The following SLC25A12 variants were observed in gnomAD, a reference collection of about 807,000 sequenced individuals.
SLC25A12 encodes the protein electrogenic aspartate/glutamate antiporter SLC25A12, mitochondrial.
Under a neutral mutation model 83.3 loss-of-function variants are expected in SLC25A12, and 32 were observed. That is an observed-to-expected ratio of 0.38 (90% CI 0.29 to 0.52). The LOEUF is 0.52. Among genes scored for constraint, SLC25A12 ranks in the 20% least tolerant of loss-of-function variants. The pLI is 0.84. For synonymous variants in SLC25A12, 267 were observed against 291.1 expected (o/e 0.92, Z 0.84); for missense variants, 611 against 835.6 (o/e 0.73, Z 3.31).
In SLC25A12 at chr2:171,784,030, G is replaced by A. The variant is rs1228243984; in HGVS notation, c.*1244C>T. On this transcript the variant is annotated 3_prime_UTR_variant, in exon 18 of 18. Coordinates refer to ENST00000422440, the MANE Select transcript of SLC25A12 (RefSeq NM_003705.5). The stretch of plus-strand genomic sequence containing the variant: ...GGTAAGGTAAATAAATTCTGATACT[G>A]CACATCAAATCACATCCATATCAAA... 6.6e-6 allele frequency among the ~76,000 whole-genome samples: 1 copy of A among 152,184 alleles called. No homozygotes were observed. The highest frequency in any genetic ancestry group is 1.5e-5 in the Non-Finnish European group (1 of 68,040).
intron 9 of SLC25A12, among the ~76,000 whole-genome samples, chr2:171,819,463 TTA>T (rs1293320497): frequency 7.5e-6 from 1 of 132,576 alleles, no homozygotes; most frequent in East Asian, 2.1e-4. Flanking sequence ...TTATTATATA[TTA>T]TATATATTAA....
chr2:171,787,512 A>G lies in SLC25A12; in HGVS notation c.1835+59T>C. 3.8e-6 allele frequency: 5 copies of G among 1,313,468 alleles called. No homozygotes were observed. The South Asian group carries it at 5.9e-5, about 15-fold the overall frequency. 81.4% of individuals were successfully genotyped at this position (1,313,468 alleles called of 1,614,324 possible). On this transcript the variant is annotated intron_variant, in intron 17 of 17. Transcript: ENST00000422440. ...TTGCAACAATGCTTTTGTAGACAGA[A>G]CAAACATTTGTTTTGGACTTAGTGA...
chr2:171,874,413 G>GA (rs1685521190), intron 2 of SLC25A12, among the ~76,000 whole-genome samples: 1 of 152,102 alleles, frequency 6.6e-6, no homozygotes, highest in Non-Finnish European at 1.5e-5. Context: ...AAAGAAAAAA[G>GA]AAAATACTAG....
rs1690516306 is a variant in SLC25A12 at position 171,787,792 on chromosome 2, C to T, written c.1741G>A (p.Ala581Thr). 4 of 1,614,098 alleles carry T rather than the reference C, an allele frequency of 2.5e-6. No individual in the cohort carries two copies. Among genetic ancestry groups the T allele is most frequent in the Non-Finnish European group, 3.4e-6 (4 of 1,180,026 alleles). The change falls in exon 16 of 18, where the codon GCA becomes ACA. Residue 581 changes from alanine to threonine, a missense_variant. Ala to Thr is a moderately conservative substitution (Grantham distance 58). Transcript: ENST00000422440. ...TATGGCTCCAGCCCCTGCCTACCTG[C>T]AGTCCCTTTCCAAAATGCTGAGGGC... Reference protein sequence around the residue: ...EGPSAFWKGTAARVFRSSPQF... With the variant: ...EGPSAFWKGTTARVFRSSPQF...
chr2:171,866,140 A>AG (rs1374672044), intron 3 of SLC25A12, among the ~76,000 whole-genome samples: 1 of 135,554 alleles, frequency 7.4e-6, no homozygotes, highest in Non-Finnish European at 1.6e-5. Context: ...CACATGTTTC[A>AG]GAGAGCACAG....
At chr2:171,825,698 G>C (rs1684286235) in intron 9 of SLC25A12, among the ~76,000 whole-genome samples, 1 of 152,156 alleles carries the variant, frequency 6.6e-6, no homozygotes. Flanking sequence ...TATTAGAGCA[G>C]GAAAGTACCA....
chr2:171,816,964 G>A (rs899707807), intron 9 of SLC25A12, among the ~76,000 whole-genome samples: 5 of 152,118 alleles, frequency 3.3e-5, no homozygotes, highest in Non-Finnish European at 2.9e-5. Context: ...GTGGTAATTA[G>A]GTCATGAAAA....
At chr2:171,804,644 G>A (rs1188549142) in intron 13 of SLC25A12, among the ~76,000 whole-genome samples, 1 of 152,226 alleles carries the variant, frequency 6.6e-6, no homozygotes, top group Non-Finnish European at 1.5e-5. Flanking sequence ...AAGTGCAGTG[G>A]CTCGTATCTG....
rs368067669 is a variant in SLC25A12 at position 171,785,244 on chromosome 2, G to A, written c.*30C>T. The A allele has an allele frequency of 8.3e-5, 133 of 1,608,082 alleles. No individual in the cohort carries two copies. The highest frequency in any genetic ancestry group is 1.1e-4 in the Non-Finnish European group (124 of 1,174,966). On this transcript the variant is annotated 3_prime_UTR_variant, in exon 18 of 18. Coordinates refer to ENST00000422440, the MANE Select transcript of SLC25A12 (RefSeq NM_003705.5). ...TCTCCTAGGCCTCTTTCTTCAAGGC[G>A]CCATTTTGCCACACTCAACAGTTGT...
intron 3 of SLC25A12, among the ~76,000 whole-genome samples, chr2:171,867,346 G>A (rs1412214783): frequency 1.3e-5 from 2 of 151,956 alleles, no homozygotes; most frequent in East Asian, 3.9e-4. Context: ...GGGCACCATT[G>A]AGCACTGAGT....
chr2:171,875,642 G>A lies in SLC25A12; in HGVS notation c.67-6819C>T, dbSNP rs556457441. ...AAACCTGCACATGGGGGCCGGGCGC[G>A]GTGGCTCACACCTGTAATCTCAGCA... On this transcript the variant is annotated intron_variant, in intron 2 of 17. Coordinates refer to ENST00000422440, the MANE Select transcript of SLC25A12 (RefSeq NM_003705.5). 2.2e-3 allele frequency among the ~76,000 whole-genome samples: 329 copies of A among 149,818 alleles called. 2 individuals carry two copies. The highest frequency in any genetic ancestry group is 7.2e-3 in the African/African-American group (293 of 40,692).
intron 11 of SLC25A12, among the ~76,000 whole-genome samples, chr2:171,812,750 C>T (rs1232190096): frequency 6.6e-6 from 1 of 150,654 alleles, no homozygotes; most frequent in Non-Finnish European, 1.5e-5. Flanking sequence ...CACCTCTGAG[C>T]TAAGTGGGGG....
At chr2:171,887,669 A>G (rs1211525418) in intron 2 of SLC25A12, among the ~76,000 whole-genome samples, 2 of 152,192 alleles carry the variant, frequency 1.3e-5, no homozygotes, top group Non-Finnish European at 2.9e-5. Flanking sequence ...AATTGAATCA[A>G]TGACAGTGTG....
intron 8 of SLC25A12, among the ~76,000 whole-genome samples, chr2:171,832,253 C>A (rs953973617): frequency 6.6e-6 from 1 of 152,102 alleles, no homozygotes; most frequent in African/African-American, 2.4e-5. Context: ...TATGAAAATA[C>A]CTCTAGGTGG....
At chr2:171,813,741 G>A (rs918029163) in intron 10 of SLC25A12, among the ~76,000 whole-genome samples, 2 of 152,088 alleles carry the variant, frequency 1.3e-5, no homozygotes, top group African/African-American at 2.4e-5. Context: ...GATATCGTAG[G>A]TTCATAAACT....
chr2:171,845,025 C>T (rs1248417781), intron 4 of SLC25A12, among the ~76,000 whole-genome samples: 10 of 152,072 alleles, frequency 6.6e-5, no homozygotes, highest in Admixed American at 2.6e-4. Flanking sequence ...ATATCATTAG[C>T]TCAGCAGCAA....
chr2:171,784,538 A>G lies in SLC25A12; in HGVS notation c.*736T>C, dbSNP rs1690452506. 6.6e-6 allele frequency: 1 copy of G among 152,428 alleles called. No homozygotes were observed. The highest frequency in any genetic ancestry group is 1.5e-5 in the Non-Finnish European group (1 of 68,196). The allele number at this position is 152,428 out of a possible 1,614,324, so 9.4% of individuals were successfully genotyped here. A position where few individuals can be genotyped will look rare whatever the true frequency, so the allele number is the denominator to read the frequency against. ...TGTCCCTGTTTCCATATGCACACTG[A>G]CAGGCGAGGAGCTGCCTAGGAAATG... On this transcript the variant is annotated 3_prime_UTR_variant, in exon 18 of 18. Coordinates refer to ENST00000422440, the MANE Select transcript of SLC25A12 (RefSeq NM_003705.5).
intron 11 of SLC25A12, among the ~76,000 whole-genome samples, chr2:171,811,486 T>C (rs1364247641): frequency 1.3e-5 from 2 of 152,230 alleles, no homozygotes; most frequent in Non-Finnish European, 2.9e-5. Flanking sequence ...TGGAATTTAA[T>C]AAAGTACTGA....
chr2:171,829,070 C>T (rs1183261263), intron 8 of SLC25A12, among the ~76,000 whole-genome samples: 1 of 152,346 alleles, frequency 6.6e-6, no homozygotes, highest in African/African-American at 2.4e-5. Flanking sequence ...AACTCTCCAT[C>T]CATTCCACCT....
Sources: allele counts gnomAD v4.1 joint callset (sites outside exome capture counted in the v4.1 genomes callset), GRCh38; gene constraint gnomAD v4.1.1; transcripts MANE v1.5; gene names NCBI Gene and HGNC (gene_info 2026-07-23, HGNC 2026-07-21).